The following WDR64 variants were observed in gnomAD, a reference collection of about 807,000 sequenced individuals.
WDR64 encodes the protein WD repeat domain 64.
Under a neutral mutation model 139.3 loss-of-function variants are expected in WDR64, and 112 were observed. The observed-to-expected ratio is 0.80, with a 90% CI of 0.69 to 0.94. The LOEUF is 0.94. WDR64 is among the 40% of genes least tolerant of loss of function. The pLI is 0.00. For missense variants in WDR64, 1,206 were observed against 1,293.1 expected (o/e 0.93, Z 1.03); for synonymous variants, 444 against 437.7 (o/e 1.01, Z -0.18).
At chr1:241,712,706 C>T (rs1668221964) in intron 9 of WDR64, among the ~76,000 whole-genome samples, 1 of 152,106 alleles carries the variant, frequency 6.6e-6, no homozygotes, top group African/African-American at 2.4e-5. Flanking sequence ...TGACTGGGCT[C>T]CATGGTTTAC....
chr1:241,699,209 C>T (rs1274922337), intron 8 of WDR64, among the ~76,000 whole-genome samples: 1 of 152,068 alleles, frequency 6.6e-6, no homozygotes, highest in African/African-American at 2.4e-5. Flanking sequence ...TTATTTATTG[C>T]ATCTTAATTA....
At chr1:241,792,538 A>AAAAT (rs1172031113) in intron 25 of WDR64, among the ~76,000 whole-genome samples, 2 of 152,114 alleles carry the variant, frequency 1.3e-5, no homozygotes, top group Admixed American at 6.5e-5. Context: ...TCTGTCTCAA[A>AAAAT]AAATAAATAA....
Position 241,775,095 on chromosome 1 carries a change from C to A in WDR64, c.2431-10C>A. The A allele has an allele frequency of 1.3e-6, 2 of 1,545,516 alleles. No individual in the cohort carries two copies. Among genetic ancestry groups the A allele is most frequent in the Non-Finnish European group, 1.7e-6 (2 of 1,143,842 alleles). The stretch of plus-strand genomic sequence containing the variant: ...AAGAAAAAGTTTTATTTGCATTATA[C>A]TTTATTTAGGGAAGACTACTGAAAG... On this transcript the variant is annotated splice_polypyrimidine_tract_variant and intron_variant, in intron 20 of 27. Coordinates refer to ENST00000437684, the MANE Select transcript of WDR64 (RefSeq NM_001367482.1).
At chr1:241,699,079 C>T (rs893978891) in intron 8 of WDR64, among the ~76,000 whole-genome samples, 20 of 152,096 alleles carry the variant, frequency 1.3e-4, no homozygotes, top group African/African-American at 4.6e-4. Flanking sequence ...GGGTAACTGC[C>T]CCCATGATTC....
Position 241,723,246 on chromosome 1 carries a change from A to C in WDR64, c.1055-51A>C, listed in dbSNP as rs146784743. The C allele has an allele frequency of 1.8e-4, 286 of 1,606,104 alleles. No individual in the cohort carries two copies. In the African/African-American group the frequency reaches 2.7e-3, roughly 15 times the overall value. On this transcript the variant is annotated intron_variant, in intron 9 of 27. Transcript: ENST00000437684. ...ATGATACAGTGAGAGATACATTTGA[A>C]ACTCTGACCACCTCAGAAAACCAAC...
rs1265625950 is a variant in WDR64, at chr1:241,687,533, C to T, written c.912C>T (p.Ser304=). 4 of 1,613,720 alleles carry T rather than the reference C, an allele frequency of 2.5e-6. No individual in the cohort carries two copies. The Admixed American group carries it at 6.7e-5, about 27-fold the overall frequency. The part of the protein sequence containing the change: ...RYISALNCFG[S]CSLDSNHSLV... ...TTTCAGCCCTAAATTGTTTTGGATC[C>T]TGCTCCTTAGACAGTAATCATTCAT... The change falls in exon 8 of 28, where the codon TCC becomes TCT. Residue 304 remains serine, a synonymous_variant. Coordinates refer to ENST00000437684, the MANE Select transcript of WDR64 (RefSeq NM_001367482.1).
At chr1:241,799,704 C>A (rs2148337057) in intron 27 of WDR64, among the ~76,000 whole-genome samples, 1 of 152,240 alleles carries the variant, frequency 6.6e-6, no homozygotes, top group East Asian at 1.9e-4. Context: ...AAAGCCTGGA[C>A]ACTTAAATGC....
chr1:241,737,795 C>T (rs1316768184), intron 10 of WDR64, among the ~76,000 whole-genome samples: 1 of 152,084 alleles, frequency 6.6e-6, no homozygotes, highest in Non-Finnish European at 1.5e-5. Context: ...GTTATCTTTC[C>T]TCCCTCAAAG....
At chr1:241,784,953 G>GAAAAAAAAA (rs58720618) in intron 23 of WDR64, among the ~76,000 whole-genome samples, 81 of 62,212 alleles carry the variant, frequency 1.3e-3, no homozygotes, top group East Asian at 2.4e-3. Flanking sequence ...GACTCTGTCT[G>GAAAAAAAAA]AAAAAAAAAA....
At chr1:241,757,160 C>A in intron 14 of WDR64, 123 bp from the exon 15 acceptor site, 1 of 837,334 alleles carries the variant, frequency 1.2e-6, no homozygotes, top group Non-Finnish European at 1.7e-6. Flanking sequence ...ATAGATGGGG[C>A]TGAAGATTTG....
At chr1:241,796,774 A>G (rs894155147) in intron 27 of WDR64, among the ~76,000 whole-genome samples, 2 of 152,206 alleles carry the variant, frequency 1.3e-5, no homozygotes, top group Non-Finnish European at 2.9e-5. Flanking sequence ...GATTACAGGC[A>G]TAAGCCACTG....
intron 25 of WDR64, among the ~76,000 whole-genome samples, chr1:241,792,657 A>T (rs1273928768): frequency 6.6e-6 from 1 of 152,254 alleles, no homozygotes; most frequent in Admixed American, 6.5e-5. Flanking sequence ...GGTTTAAAAT[A>T]AAGTGGCTGA....
chr1:241,741,164 G>C, intron 11 of WDR64, among the ~76,000 whole-genome samples: 1 of 152,174 alleles, frequency 6.6e-6, no homozygotes, highest in East Asian at 1.9e-4. Context: ...CTATTGCTGT[G>C]CAACAGATGG....
Position 241,680,308 on chromosome 1 carries a change from G to C in WDR64, c.624+713G>C, listed in dbSNP as rs140636365. Among the ~76,000 whole-genome samples the C allele has an allele frequency of 9.6e-4, 146 of 152,134 alleles. 2 individuals carry two copies. In the East Asian group the frequency reaches 0.026, roughly 27 times the overall value. ...TCATGCCTTTCTTGTTCCTAGCCTT[G>C]GTAAAAAACTAACCTTCTTTTGCTA... On this transcript the variant is annotated intron_variant, in intron 6 of 27. Coordinates refer to ENST00000437684, the MANE Select transcript of WDR64 (RefSeq NM_001367482.1).
chr1:241,766,085 GCT>G, intron 15 of WDR64, 131 bp from the exon 16 acceptor site: 2 of 807,062 alleles, frequency 2.5e-6, no homozygotes, highest in Non-Finnish European at 3.5e-6. Flanking sequence ...TAAATTTCAT[GCT>G]CTGATATTAA....
intron 8 of WDR64, among the ~76,000 whole-genome samples, chr1:241,691,868 C>A (rs1013623449): frequency 6.6e-6 from 1 of 151,986 alleles, no homozygotes; most frequent in Non-Finnish European, 1.5e-5. Flanking sequence ...CAGAAATTAG[C>A]CAGGCATGAT....
At chr1:241,750,292 C>T (rs964745226) in intron 14 of WDR64, among the ~76,000 whole-genome samples, 3 of 152,138 alleles carry the variant, frequency 2.0e-5, no homozygotes, top group African/African-American at 4.8e-5. Context: ...GATCATTTAT[C>T]CTGGCTATTG....
At position 241,674,656 on chromosome 1, in the gene WDR64, G is replaced by A. The variant is rs1244527191; in HGVS notation, c.392G>A (p.Arg131Gln). The A allele has an allele frequency of 1.0e-5, 16 of 1,547,152 alleles. No individual in the cohort carries two copies. Among genetic ancestry groups the A allele is most frequent in the South Asian group, 4.8e-5 (4 of 83,802 alleles). ...RRILISGSRR[R>Q]DVIKSIVKIP... ...ATGCTGTTGACAGGTAGTAGAAGAC[G>A]AGATGTGATTAAGAGCATTGTCAAG... The change falls in exon 4 of 28, where the codon CGA becomes CAA. Residue 131 changes from arginine (R) to glutamine (Q), a missense_variant. By Grantham distance (43) the Arg-to-Gln change is conservative. Transcript: ENST00000437684.
intron 9 of WDR64, among the ~76,000 whole-genome samples, chr1:241,720,513 G>T (rs1668566839): frequency 6.6e-6 from 1 of 152,082 alleles, no homozygotes; most frequent in Non-Finnish European, 1.5e-5. Flanking sequence ...GCATGAGATG[G>T]TATCTCATTG....
Sources: allele counts gnomAD v4.1 joint callset (sites outside exome capture counted in the v4.1 genomes callset), GRCh38; gene constraint gnomAD v4.1.1; transcripts MANE v1.5; gene names NCBI Gene and HGNC (gene_info 2026-07-23, HGNC 2026-07-21).